LPA: variants seen among roughly 807,000 people sequenced by gnomAD.
LPA encodes lipoprotein(a).
A neutral mutation model predicts 197.9 loss-of-function variants in LPA; 199 were observed. That is an observed-to-expected ratio of 1.01 (90% CI 0.90 to 1.13). The LOEUF is 1.13. Ranked by LOEUF, LPA falls within the 50% of genes most tolerant of loss-of-function variation. The probability of loss-of-function intolerance (pLI) is 0.00; values close to 1 mark genes in which losing one functional copy is unlikely to be tolerated. For synonymous variants in LPA, 715 were observed against 639.5 expected (o/e 1.12, Z -1.78); for missense variants, 1,853 against 1,785.8 (o/e 1.04, Z -0.68).
At chr6:160,611,388 T>C (rs914902944) in intron 16 of LPA, among the ~76,000 whole-genome samples, 174 bp downstream of exon 16, 6 of 152,072 alleles carry the variant, frequency 3.9e-5, no homozygotes, top group African/African-American at 1.4e-4. Flanking sequence ...TGAGGCAGCT[T>C]AACATTTCTC....
At chr6:160,599,471 T>A in intron 20 of LPA, 29 bp downstream of exon 20, 2 of 1,612,364 alleles carry the variant, frequency 1.2e-6, no homozygotes, top group Non-Finnish European at 8.5e-7. Context: ...TGGCCCTTCC[T>A]TCGCTTATGG....
chr6:160,643,096 G>T (rs1448898623), intron 4 of LPA, among the ~76,000 whole-genome samples: 2 of 149,778 alleles, frequency 1.3e-5, no homozygotes, highest in African/African-American at 2.4e-5. Flanking sequence ...GTGTGTGTGT[G>T]TGTGTGTGTG....
In LPA at chr6:160,654,020, A is replaced by AAT. The variant is rs1491364980; in HGVS notation, c.50-3525_50-3524dup. On this transcript the variant is annotated intron_variant, in intron 1 of 38. Coordinates refer to ENST00000316300, the MANE Select transcript of LPA (RefSeq NM_005577.4). ...ATTATATATAATATATATTATATAT[A>AAT]ATATATAATATATATTATATATAAT... Among the ~76,000 whole-genome samples, 32 of 3,762 alleles carry AAT rather than the reference A, an allele frequency of 8.5e-3. 1 individual carries two copies. Among genetic ancestry groups the AAT allele is most frequent in the African/African-American group, 0.021 (32 of 1,548 alleles). The allele number at this position is 3,762 out of a possible 152,430, so 2.5% of individuals were successfully genotyped here.
chr6:160,646,896 C>T (rs1382342120), intron 2 of LPA, among the ~76,000 whole-genome samples: 2 of 151,594 alleles, frequency 1.3e-5, no homozygotes, highest in South Asian at 2.1e-4. Flanking sequence ...GGAGGATAAC[C>T]TTTCCAGGTC....
Position 160,650,300 on chromosome 6 carries a change from T to C in LPA, c.209+38A>G, listed in dbSNP as rs1423455718. 4 of 1,609,578 alleles carry C rather than the reference T, an allele frequency of 2.5e-6. 1 individual carries two copies. The highest frequency in any genetic ancestry group is 1.3e-5 in the African/African-American group (1 of 74,806). On this transcript the variant is annotated intron_variant, in intron 2 of 38. Transcript: ENST00000316300. ...CACCTTTTCTAAGACAAATTTTACTTGGACCTTGTTTTGCTTACTGTAAGA... is the reference window on the plus strand; with the variant it reads ...CACCTTTTCTAAGACAAATTTTACTCGGACCTTGTTTTGCTTACTGTAAGA...
At chr6:160,580,272 T>C (rs989733754) in intron 26 of LPA, among the ~76,000 whole-genome samples, 5 of 152,234 alleles carry the variant, frequency 3.3e-5, no homozygotes, top group Non-Finnish European at 5.9e-5. Flanking sequence ...TTTTTCATTT[T>C]CTTTTGATGA....
At chr6:160,568,327 G>T (rs1778500491) in intron 28 of LPA, among the ~76,000 whole-genome samples, 1 of 151,092 alleles carries the variant, frequency 6.6e-6, no homozygotes, top group African/African-American at 2.5e-5. Context: ...TGCAAGGCTG[G>T]TTCAACATAT....
Position 160,540,174 on chromosome 6 carries a change from C to T in LPA, c.5604G>A (p.Arg1868=). 6.2e-7 allele frequency: 1 copy of T among 1,614,080 alleles called. No homozygotes were observed. The highest frequency in any genetic ancestry group is 8.5e-7 in the Non-Finnish European group (1 of 1,180,010). Residue 1868 remains arginine, a synonymous_variant, in exon 36 of 39, where the codon AGG becomes AGA. Transcript: ENST00000316300. ...CCAGGATGACCTTGTAGGATGAAGG[C>T]CTTGAGGACCTAGAAAAGATGAGGA... is the stretch of plus-strand genomic sequence containing the variant. ...TAAHCLKKSS[R]PSSYKVILGA... is the part of the protein sequence containing the mutation.
chr6:160,592,462 T>C (rs904567755), intron 22 of LPA, among the ~76,000 whole-genome samples: 1 of 152,228 alleles, frequency 6.6e-6, no homozygotes, highest in Non-Finnish European at 1.5e-5. Context: ...GACATTTTCC[T>C]GAAACACAGT....
At chr6:160,634,077 A>G (rs1779746437) in intron 7 of LPA, among the ~76,000 whole-genome samples, 165 bp from the exon 8 acceptor site, 1 of 143,616 alleles carries the variant, frequency 7.0e-6, no homozygotes, top group Non-Finnish European at 1.5e-5. Context: ...AACATACAGC[A>G]AACCTACAGA....
At chr6:160,600,738 G>A (rs916712461) in intron 19 of LPA, among the ~76,000 whole-genome samples, 179 bp downstream of exon 19, 2 of 152,114 alleles carry the variant, frequency 1.3e-5, no homozygotes, top group African/African-American at 4.8e-5. Flanking sequence ...CGCACAGGTT[G>A]CACCAAAAAT....
chr6:160,587,801 T>TTCTG (rs41272084), intron 24 of LPA, among the ~76,000 whole-genome samples: 2,470 of 79,442 alleles, frequency 0.031, 61 homozygotes, highest in African/African-American at 0.051. Context: ...GTGTGTGTGT[T>TTCTG]TCTGTCTGTT....
At chr6:160,604,893 C>A (rs1194952825) in intron 18 of LPA, among the ~76,000 whole-genome samples, 153 bp downstream of exon 18, 1 of 152,200 alleles carries the variant, frequency 6.6e-6, no homozygotes, top group Non-Finnish European at 1.5e-5. Flanking sequence ...TTCTCTTAGA[C>A]TCTTTGCTCA....
chr6:160,576,325 T>C (rs1374956192), intron 28 of LPA, among the ~76,000 whole-genome samples: 28 of 38,992 alleles, frequency 7.2e-4, no homozygotes, highest in Non-Finnish European at 1.1e-3. Context: ...TATGTATGTG[T>C]GTGTGTGTGT....
In LPA at chr6:160,532,571, ATATACT is replaced by A. The variant is rs779494078; in HGVS notation, c.5915_5920del (p.Lys1972_Tyr1973del). 6.1e-5 allele frequency: 99 copies of A among 1,613,246 alleles called. No individual in the cohort carries two copies. Among genetic ancestry groups the A allele is most frequent in the South Asian group, 5.3e-4 (48 of 91,068 alleles). ...GCCTCTGGCCAAATGCTCAGCACAA[ATATACT>A]TATAGTGATTGCACACTTCATTCTC... is the stretch of plus-strand genomic sequence containing the variant. On this transcript the variant is annotated inframe_deletion, in exon 38 of 39. Transcript: ENST00000316300.
At chr6:160,565,148 C>T (rs1778428734) in intron 28 of LPA, among the ~76,000 whole-genome samples, 3 of 152,176 alleles carry the variant, frequency 2.0e-5, no homozygotes, top group Non-Finnish European at 4.4e-5. Context: ...CTTAAACATC[C>T]CTGTCTGACA....
At chr6:160,602,330 G>C (rs932871504) in intron 18 of LPA, among the ~76,000 whole-genome samples, 1 of 151,982 alleles carries the variant, frequency 6.6e-6, no homozygotes, top group Non-Finnish European at 1.5e-5. Flanking sequence ...TATCCCTTTG[G>C]ACCCACAAAT....
Position 160,650,338 on chromosome 6 carries a change from G to C in LPA, c.209C>G (p.Ala70Gly). 6.2e-7 allele frequency: 1 copy of C among 1,612,966 alleles called. No homozygotes were observed. The highest frequency in any genetic ancestry group is 8.5e-7 in the Non-Finnish European group (1 of 1,179,440). ...GCTTACTGTAAGATTAATGACATAC[G>C]CATTTGGGTAGTTTTCTGTGGTCCT... Reference protein sequence around the residue: ...HNRTTENYPNAGLIMNYCRNP... With the variant: ...HNRTTENYPNGGLIMNYCRNP... Residue 70 changes from alanine (A) to glycine (G), a missense_variant and splice_region_variant, in exon 2 of 39, where the codon GCT becomes GGT. Physicochemically the swap from Ala to Gly is moderately conservative, Grantham distance 60 (BLOSUM62 0). Around this residue, in one of 3 missense-constraint regions of LPA, gnomAD observed 88 missense variants for 83.0 expected, o/e 1.06. Coordinates refer to ENST00000316300, the MANE Select transcript of LPA (RefSeq NM_005577.4).
intron 32 of LPA, among the ~76,000 whole-genome samples, chr6:160,546,871 C>T (rs1178874030): frequency 2.0e-5 from 3 of 152,114 alleles, no homozygotes; most frequent in Admixed American, 6.6e-5. Context: ...CAAAGTAAAC[C>T]ATCACAGAGA....
Sources: gnomAD v4.1 joint callset for allele counts (sites outside exome capture counted in the v4.1 genomes callset) on GRCh38, gnomAD v4.1.1 for gene constraint, gnomAD v4.1.1 regional missense constraint, MANE v1.5 for transcripts, NCBI Gene and HGNC (gene_info 2026-07-23, HGNC 2026-07-21) for gene names.